Variants in TLN2 observed in about 807,000 individuals in gnomAD.
TLN2 encodes the protein talin-2.
In TLN2, 118 loss-of-function variants were observed where a neutral mutation model predicts 294.7. That is an observed-to-expected ratio of 0.40 (90% confidence interval 0.34 to 0.47). The LOEUF is 0.47. TLN2 is among the 20% of genes least tolerant of loss of function. The pLI is 0.84. For missense variants in TLN2, 3,083 were observed against 3,282.2 expected, an observed-to-expected ratio of 0.94 and a Z score of 1.48; for synonymous variants, 1,431 against 1,304.5, an observed-to-expected ratio of 1.10 and a Z score of -2.09.
chr15:62,602,935 C>G (rs531220703), intron 2 of TLN2, among the ~76,000 whole-genome samples: 14 of 151,522 alleles, frequency 9.2e-5, no homozygotes, highest in African/African-American at 3.4e-4. Flanking sequence ...CTCTGTTGCC[C>G]AGGCTGGAGT....
chr15:62,720,679 GTGTA>G (rs372547929), intron 25 of TLN2, among the ~76,000 whole-genome samples: 3 of 141,942 alleles, frequency 2.1e-5, no homozygotes, highest in South Asian at 2.2e-4. Context: ...GTGTGTGTGT[GTGTA>G]TTCTTTTAAA....
chr15:62,649,560 G>GCC (rs2052345046), intron 4 of TLN2, among the ~76,000 whole-genome samples: 1 of 152,060 alleles, frequency 6.6e-6, no homozygotes, highest in Non-Finnish European at 1.5e-5. Flanking sequence ...TTTGTTGGTG[G>GCC]TCGGGGTCAG....
chr15:62,759,131 C>T (rs1204359828), intron 37 of TLN2, among the ~76,000 whole-genome samples: 1 of 152,186 alleles, frequency 6.6e-6, no homozygotes, highest in Non-Finnish European at 1.5e-5. Context: ...TGTTCTGTGA[C>T]ATGGAAACTC....
intron 1 of TLN2, among the ~76,000 whole-genome samples, chr15:62,545,279 TG>T (rs1314415022): frequency 6.6e-6 from 1 of 151,978 alleles, no homozygotes; most frequent in Non-Finnish European, 1.5e-5. Flanking sequence ...ACAGAAAAAT[TG>T]GGGGGTGAAG....
Position 62,766,372 on chromosome 15 carries a change from G to A in TLN2, c.5146G>A (p.Asp1716Asn), listed in dbSNP as rs1335320458. Residue 1716 changes from aspartate (D) to asparagine (N), a missense_variant, in exon 41 of 59, where the codon GAT becomes AAT. Asp to Asn is a conservative substitution (Grantham distance 23). Coordinates refer to ENST00000636159, the MANE Select transcript of TLN2 (RefSeq NM_015059.3). ...GGTCCAGGAAATCGGACACCTTATC[G>A]ATCCCATCGCCACAGCGGCTCGGGG... Reference protein sequence around the residue: ...SVVQEIGHLIDPIATAARGEA... With the variant: ...SVVQEIGHLINPIATAARGEA... 3.1e-6 allele frequency: 5 copies of A among 1,613,106 alleles called. No homozygotes were observed. Among genetic ancestry groups the A allele is most frequent in the Admixed American group, 1.7e-5 (1 of 59,992 alleles).
chr15:62,741,941 AAGCTCTCCTT>A (rs1418168460), intron 32 of TLN2, among the ~76,000 whole-genome samples: 2 of 150,616 alleles, frequency 1.3e-5, no homozygotes, highest in Non-Finnish European at 2.9e-5. Context: ...ATCATCCTTA[AAGCTCTCCTT>A]AGCTCTCAGC....
At chr15:62,610,376 C>T (rs1353216947) in intron 2 of TLN2, among the ~76,000 whole-genome samples, 1 of 152,118 alleles carries the variant, frequency 6.6e-6, no homozygotes, top group East Asian at 1.9e-4. Context: ...CAGTACATAA[C>T]CTTGTTTTAT....
At chr15:62,514,824 C>T (rs1292559516) in intron 1 of TLN2, among the ~76,000 whole-genome samples, 1 of 152,012 alleles carries the variant, frequency 6.6e-6, no homozygotes, top group African/African-American at 2.4e-5. Flanking sequence ...CTATCTTTAC[C>T]CTGTTGGAGT....
Position 62,842,958 on chromosome 15 carries a change from T to C in TLN2, c.*2348T>C, listed in dbSNP as rs2070855225. On this transcript the variant is annotated 3_prime_UTR_variant, in exon 59 of 59. Transcript: ENST00000636159. Reference sequence around the variant, plus strand: ...TGTGGTGGTTTCTCATTTCATAAGATAGTTGAAGGGCCATGCCTTGTCTGG... The same window carrying C: ...TGTGGTGGTTTCTCATTTCATAAGACAGTTGAAGGGCCATGCCTTGTCTGG... The C allele has an allele frequency of 6.6e-6, 1 of 152,198 alleles. No individual in the cohort carries two copies. Among genetic ancestry groups the C allele is most frequent in the Non-Finnish European group, 1.5e-5 (1 of 68,070 alleles). The allele number at this position is 152,198 out of a possible 1,614,324, so 9.4% of individuals were successfully genotyped here.
chr15:62,558,685 A>T (rs1220313599), intron 1 of TLN2, among the ~76,000 whole-genome samples: 1 of 152,226 alleles, frequency 6.6e-6, no homozygotes, highest in Non-Finnish European at 1.5e-5. Context: ...AACAAAGAAC[A>T]GTAGGTTTTT....
At chr15:62,695,766 T>G (rs1004287964) in intron 14 of TLN2, among the ~76,000 whole-genome samples, 1 of 152,260 alleles carries the variant, frequency 6.6e-6, no homozygotes, top group Non-Finnish European at 1.5e-5. Flanking sequence ...GCAGAGCACC[T>G]TAAGTCTTTG....
At chr15:62,621,773 C>A (rs900972916) in intron 3 of TLN2, among the ~76,000 whole-genome samples, 7 of 152,188 alleles carry the variant, frequency 4.6e-5, no homozygotes, top group Non-Finnish European at 1.0e-4. Context: ...AATGGAACAT[C>A]ATTACTTCAG....
intron 2 of TLN2, among the ~76,000 whole-genome samples, chr15:62,592,247 A>G (rs2046134658): frequency 6.6e-6 from 1 of 151,944 alleles, no homozygotes; most frequent in Non-Finnish European, 1.5e-5. Context: ...AGTTATGTGT[A>G]CTCTGCGTTG....
At chr15:62,666,682 T>C (rs1285165782) in intron 9 of TLN2, among the ~76,000 whole-genome samples, 1 of 152,200 alleles carries the variant, frequency 6.6e-6, no homozygotes, top group East Asian at 1.9e-4. Context: ...CTCTAGGCGT[T>C]TCCCAGCTCA....
intron 2 of TLN2, among the ~76,000 whole-genome samples, chr15:62,603,030 C>G (rs1412593406): frequency 6.6e-6 from 1 of 151,992 alleles, no homozygotes; most frequent in Non-Finnish European, 1.5e-5. Context: ...GTAGCTGGGA[C>G]TACAAGCGCC....
chr15:62,770,885 G>C (rs746547861), intron 41 of TLN2, 79 bp from the exon 42 acceptor site: 1 of 1,515,860 alleles, frequency 6.6e-7, no homozygotes, highest in Admixed American at 2.0e-5. Context: ...TTCCCCTCCC[G>C]CGCCTGACTG....
At chr15:62,491,911 T>A (rs1331842295) in intron 1 of TLN2, among the ~76,000 whole-genome samples, 6 of 152,122 alleles carry the variant, frequency 3.9e-5, no homozygotes, top group Non-Finnish European at 8.8e-5. Context: ...GGAAGCCTTA[T>A]CTCACCAAGG....
At chr15:62,610,735 C>T (rs1296104282) in intron 2 of TLN2, among the ~76,000 whole-genome samples, 7 of 152,202 alleles carry the variant, frequency 4.6e-5, no homozygotes, top group African/African-American at 1.4e-4. Context: ...GTTCTGCACT[C>T]GTCCATGAGG....
At chr15:62,418,708 T>A (rs118080537) in intron 1 of TLN2, among the ~76,000 whole-genome samples, 4,076 of 152,168 alleles carry the variant, frequency 0.027, 79 homozygotes, top group Middle Eastern at 0.065. Context: ...GGCGCTGGAG[T>A]TTGGAGCAAT....
Sources: allele counts gnomAD v4.1 joint callset (sites outside exome capture counted in the v4.1 genomes callset), GRCh38; gene constraint gnomAD v4.1.1; transcripts MANE v1.5; gene names NCBI Gene and HGNC (gene_info 2026-07-23, HGNC 2026-07-21).